Variants in MASP1 observed in about 807,000 individuals in gnomAD.
MASP1 encodes the protein mannan-binding lectin serine protease 1.
In MASP1, 59 loss-of-function variants were observed where a neutral mutation model predicts 77.1. That is an observed-to-expected ratio of 0.77 (90% CI 0.62 to 0.95). The LOEUF is 0.95. Among genes scored for constraint, MASP1 ranks in the 40% least tolerant of loss-of-function variants. The probability of loss-of-function intolerance (pLI) is 0.00; values close to 1 mark genes in which losing one functional copy is unlikely to be tolerated. For missense variants in MASP1, 885 were observed against 912.9 expected (o/e 0.97, Z 0.39); for synonymous variants, 362 against 354.5 (o/e 1.02, Z -0.24).
At chr3:187,248,159 G>T (rs549514505) in intron 8 of MASP1, among the ~76,000 whole-genome samples, 1 of 152,286 alleles carries the variant, frequency 6.6e-6, no homozygotes, top group Admixed American at 6.5e-5. Flanking sequence ...TATTTTGGGA[G>T]AATAGGGTCA....
At chr3:187,230,041 C>A, downstream of MASP1, 1 of 895,792 alleles carries the variant, frequency 1.1e-6, no homozygotes, top group South Asian at 1.7e-5. Context: ...ATAATAGCAT[C>A]CCAGTCTTTC....
chr3:187,234,356 C>T lies in MASP1; in HGVS notation c.*1328G>A, dbSNP rs1391206909. ...CCAGGGAGAAGGAGAACAATCAGCC[C>T]TGTGAGGGCCAGAGAGGCTGCTAGC... On this transcript the variant is annotated 3_prime_UTR_variant, in exon 11 of 11. Transcript: ENST00000296280. 2 of 1,287,260 alleles carry T rather than the reference C, an allele frequency of 1.6e-6. No homozygotes were observed. The highest frequency in any genetic ancestry group is 2.0e-6 in the Non-Finnish European group (2 of 988,712). The allele number at this position is 1,287,260 out of a possible 1,614,324, so 79.7% of individuals were successfully genotyped here.
exon 16 of MASP1, chr3:187,220,017 GTCC>G: frequency 6.3e-7 from 1 of 1,583,434 alleles, no homozygotes; most frequent in Non-Finnish European, 8.7e-7. Flanking sequence ...TCGGAGGATC[GTCC>G]TCTGCTACTG....
intron 1 of MASP1, among the ~76,000 whole-genome samples, chr3:187,290,483 C>A (rs1468177069): frequency 6.6e-6 from 1 of 151,884 alleles, no homozygotes; most frequent in Admixed American, 6.6e-5. Flanking sequence ...ACATAAATCA[C>A]TTTTTTTTGG....
chr3:187,246,164 T>C (rs965131877), intron 8 of MASP1, among the ~76,000 whole-genome samples: 3 of 152,242 alleles, frequency 2.0e-5, no homozygotes, highest in South Asian at 2.1e-4. Flanking sequence ...ACACTCCTTC[T>C]TCTTGAAAGC....
intron 1 of MASP1, 89 bp downstream of exon 1, chr3:187,291,539 G>C: frequency 6.6e-7 from 1 of 1,525,818 alleles, no homozygotes; most frequent in South Asian, 1.1e-5. Flanking sequence ...ACACGCAGGT[G>C]AGTCTGTCAG....
intron 5 of MASP1, 21 bp downstream of exon 5, chr3:187,256,643 A>G (rs1216345004): frequency 2.5e-6 from 4 of 1,612,958 alleles, no homozygotes; most frequent in East Asian, 4.5e-5. Context: ...TCTCCAGGAC[A>G]AGTGTTCATT....
chr3:187,243,138 A>T (rs968757602), intron 9 of MASP1: 3 of 344,594 alleles, frequency 8.7e-6, no homozygotes, highest in African/African-American at 2.1e-5. Context: ...AACTTGGGGG[A>T]TTCCAGGCTT....
chr3:187,288,827 C>A (rs182254208), intron 1 of MASP1, among the ~76,000 whole-genome samples: 1 of 152,172 alleles, frequency 6.6e-6, no homozygotes, highest in Non-Finnish European at 1.5e-5. Flanking sequence ...CCCAGAAGCC[C>A]GGTGCCATGT....
chr3:187,266,462 G>A, intron 2 of MASP1, among the ~76,000 whole-genome samples: 1 of 152,142 alleles, frequency 6.6e-6, no homozygotes, highest in Admixed American at 6.5e-5. Flanking sequence ...GGGGTTTAAG[G>A]AATGGAAAAG....
intron 8 of MASP1, 93 bp from the exon 9 acceptor site, chr3:187,243,714 G>T: frequency 6.9e-7 from 1 of 1,448,036 alleles, no homozygotes; most frequent in Non-Finnish European, 9.7e-7. Context: ...TACAGGTTGT[G>T]CACTGCACAC....
rs199907557 is a variant in MASP1 at position 187,243,525 on chromosome 3, G to A, written c.1187C>T (p.Ser396Phe). The change falls in exon 9 of 11, where the codon TCC (serine) becomes TTC (phenylalanine). Residue 396 changes from serine (S) to phenylalanine (F), a missense_variant. Physicochemically the swap from Ser to Phe is radical, Grantham distance 155 (BLOSUM62 -2). Transcript: ENST00000296280. ...LTTYKSEIKY[S>F]CQEPYYKMLN... is the part of the protein sequence containing the mutation. ...CATCTTGTAATAGGGCTCCTGACAG[G>A]AGTATTTGATCTCAGACTTGTATGT... 2.2e-4 allele frequency: 352 copies of A among 1,613,920 alleles called. No homozygotes were observed. The highest frequency in any genetic ancestry group is 2.8e-4 in the Non-Finnish European group (335 of 1,179,912).
intron 12 of MASP1, chr3:187,226,164 C>G: frequency 1.9e-6 from 1 of 531,256 alleles, no homozygotes; most frequent in South Asian, 2.0e-5. Flanking sequence ...TGGAAATTAT[C>G]TAGAGGCCTC....
chr3:187,251,412 T>TAAA (rs11454655), intron 7 of MASP1: 658 of 456,064 alleles, frequency 1.4e-3, no homozygotes, highest in East Asian at 2.1e-3. Context: ...ATGCTCTGAT[T>TAAA]AAAAAAAAAA....
chr3:187,224,536 CG>C (rs1209251219), intron 13 of MASP1, among the ~76,000 whole-genome samples: 2 of 151,552 alleles, frequency 1.3e-5, no homozygotes, highest in Non-Finnish European at 2.9e-5. Flanking sequence ...TTAGTAGAGA[CG>C]GGGTTTCACC....
chr3:187,220,398 G>T, intron 15 of MASP1: 2 of 719,782 alleles, frequency 2.8e-6, no homozygotes, highest in Admixed American at 2.5e-5. Flanking sequence ...CCTCAGCTCT[G>T]GGCAGTTCTA....
intron 14 of MASP1, among the ~76,000 whole-genome samples, chr3:187,222,673 G>C (rs1712134584): frequency 6.8e-6 from 1 of 147,932 alleles, no homozygotes; most frequent in Non-Finnish European, 1.5e-5. Context: ...CTTACTTTTA[G>C]TTAAGTGTTT....
chr3:187,286,863 A>T (rs552177243), intron 1 of MASP1, among the ~76,000 whole-genome samples: 1 of 152,030 alleles, frequency 6.6e-6, no homozygotes, highest in South Asian at 2.1e-4. Context: ...TCCTCTCCTA[A>T]TCTTTTCCTG....
intron 10 of MASP1, among the ~76,000 whole-genome samples, chr3:187,239,853 C>A (rs970875904): frequency 6.6e-6 from 1 of 152,170 alleles, no homozygotes; most frequent in African/African-American, 2.4e-5. Context: ...TCATAGACAA[C>A]CAGGCATTGT....
Sources: gnomAD v4.1 joint callset for allele counts (sites outside exome capture counted in the v4.1 genomes callset) on GRCh38, gnomAD v4.1.1 for gene constraint, MANE v1.5 for transcripts, NCBI Gene and HGNC (gene_info 2026-07-23, HGNC 2026-07-21) for gene names.